The following AGAP1 variants were observed in gnomAD, a reference collection of about 807,000 sequenced individuals.
The protein encoded by AGAP1 is ArfGAP with GTPase domain, ankyrin repeat and PH domain 1.
In AGAP1, 29 loss-of-function variants were observed where a neutral mutation model predicts 105.3. That is an observed-to-expected ratio of 0.28 (90% CI 0.21 to 0.38). AGAP1 has a LOEUF of 0.38. Among genes scored for constraint, AGAP1 ranks in the 10% least tolerant of loss-of-function variants. The probability of loss-of-function intolerance (pLI) is 1.00; values close to 1 mark genes in which losing one functional copy is unlikely to be tolerated. For missense variants in AGAP1, 998 were observed against 1,165.1 expected (o/e 0.86, Z 2.09); for synonymous variants, 509 against 485.9 (o/e 1.05, Z -0.63).
intron 11 of AGAP1, among the ~76,000 whole-genome samples, chr2:235,914,736 G>A (rs2051789409): frequency 6.6e-6 from 1 of 152,186 alleles, no homozygotes; most frequent in Non-Finnish European, 1.5e-5. Flanking sequence ...CAGAGGAGCT[G>A]CAATGGTGAT....
chr2:235,796,493 C>G (rs1546630), intron 6 of AGAP1, among the ~76,000 whole-genome samples: 35,418 of 152,064 alleles, frequency 0.23, 5,180 homozygotes, highest in Admixed American at 0.4. Flanking sequence ...ATCATCCTTT[C>G]AGGATGATAA....
chr2:236,048,446 G>A (rs908725989), intron 15 of AGAP1, among the ~76,000 whole-genome samples: 1 of 152,192 alleles, frequency 6.6e-6, no homozygotes, highest in African/African-American at 2.4e-5. Flanking sequence ...AAAGGGCCCT[G>A]CCCACCAACT....
chr2:236,011,178 T>C (rs148593098), intron 13 of AGAP1, among the ~76,000 whole-genome samples: 29 of 152,368 alleles, frequency 1.9e-4, no homozygotes, highest in African/African-American at 6.0e-4. Context: ...TGTAGCACCC[T>C]TGTGTTTCAC....
At chr2:235,745,425 C>T (rs972791515) in intron 5 of AGAP1, among the ~76,000 whole-genome samples, 3 of 152,072 alleles carry the variant, frequency 2.0e-5, no homozygotes, top group Non-Finnish European at 4.4e-5. Flanking sequence ...GTGGAGTGGC[C>T]GTCACATGGC....
chr2:235,502,770 A>G (rs2149004875), intron 1 of AGAP1, among the ~76,000 whole-genome samples: 1 of 149,670 alleles, frequency 6.7e-6, no homozygotes, highest in East Asian at 2.0e-4. Flanking sequence ...ATTTCAAATA[A>G]TGTCCATGTT....
At chr2:235,821,694 G>A (rs1012920079) in intron 9 of AGAP1, among the ~76,000 whole-genome samples, 1 of 152,108 alleles carries the variant, frequency 6.6e-6, no homozygotes, top group Non-Finnish European at 1.5e-5. Flanking sequence ...TATTGGTAAG[G>A]TACTAGTAAC....
rs2051923925 is a variant in AGAP1, at chr2:235,917,093, G to A, written c.1324+8187G>A. 2.0e-5 allele frequency among the ~76,000 whole-genome samples: 3 copies of A among 152,104 alleles called. No homozygotes were observed. The South Asian group carries it at 6.2e-4, about 32-fold the overall frequency. ...TCTTTGTTGGGTTTTTGCAACTATG[G>A]ATATGTTTTTATCCTAACCAGATTG... On this transcript the variant is annotated intron_variant, in intron 11 of 17. Transcript: ENST00000304032.
At position 236,065,405 on chromosome 2, in the gene AGAP1, C is replaced by T. The variant is rs552393888; in HGVS notation, c.2114+16124C>T. ...TTCTGAAATACACTCGCCCCGTGGG[C>T]GGTTTTCATCTGGCTGTGAAGCAGC... On this transcript the variant is annotated intron_variant, in intron 16 of 17. Transcript: ENST00000304032. 1.0e-3 allele frequency among the ~76,000 whole-genome samples: 158 copies of T among 152,310 alleles called. 1 individual carries two copies. Among genetic ancestry groups the T allele is most frequent in the Admixed American group, 5.2e-3 (79 of 15,300 alleles).
intron 1 of AGAP1, among the ~76,000 whole-genome samples, chr2:235,498,326 A>G (rs1001621660): frequency 6.6e-6 from 1 of 151,210 alleles, no homozygotes; most frequent in East Asian, 2.0e-4. Flanking sequence ...TCACCCCCAA[A>G]TCACTAGAGT....
At chr2:235,572,003 C>CACACACACA (rs1336199763) in intron 1 of AGAP1, among the ~76,000 whole-genome samples, 134 of 93,452 alleles carry the variant, frequency 1.4e-3, no homozygotes, top group African/African-American at 6.0e-3. Flanking sequence ...CACACACACA[C>CACACACACA]TTTTTTTTTT....
In AGAP1 at chr2:235,792,681, A is replaced by G. The variant is rs1957050379; in HGVS notation, c.674-5078A>G. On this transcript the variant is annotated intron_variant, in intron 6 of 17. Transcript: ENST00000304032. This position sits in a 1 kb window ranked among gnomAD's most constrained non-coding sequence, Gnocchi z 5.3. ...GTTAGGTCTGTTCTGTCCATGGTGA[A>G]GAGCGGGTTGTGCCATCGACTGAGC... Among the ~76,000 whole-genome samples, 4 of 152,202 alleles carry G rather than the reference A, an allele frequency of 2.6e-5. No homozygotes were observed. Among genetic ancestry groups the G allele is most frequent in the Admixed American group, 2.6e-4 (4 of 15,284 alleles).
At chr2:235,647,143 G>A (rs905534890) in intron 1 of AGAP1, among the ~76,000 whole-genome samples, 18 of 148,888 alleles carry the variant, frequency 1.2e-4, no homozygotes, top group Non-Finnish European at 2.1e-4. Flanking sequence ...AAAAAGAAAA[G>A]TCAAGAGTCT....
chr2:235,758,410 C>T (rs1390275475), intron 6 of AGAP1, among the ~76,000 whole-genome samples: 1 of 152,130 alleles, frequency 6.6e-6, no homozygotes, highest in Non-Finnish European at 1.5e-5. Flanking sequence ...ATGCTGCCTT[C>T]CCAGAGGTAC....
chr2:235,754,457 T>C lies in AGAP1; in HGVS notation c.673+3969T>C, dbSNP rs979210227. ...AAAAAAAAAAATCCAGCTGCTTCCA[T>C]TGCCCTGCGGAGGCCATGTTCCTGA... On this transcript the variant is annotated intron_variant, in intron 6 of 17. Transcript: ENST00000304032. The surrounding 1 kb of genome is among the most constrained non-coding windows in gnomAD (Gnocchi z 4.6). Among the ~76,000 whole-genome samples, 1 of 152,166 alleles carries C rather than the reference T, an allele frequency of 6.6e-6. No homozygotes were observed. The highest frequency in any genetic ancestry group is 1.5e-5 in the Non-Finnish European group (1 of 68,030).
rs2049687927 is a variant in AGAP1, at chr2:235,875,626, C to G, written c.1051-7719C>G. 6.6e-6 allele frequency among the ~76,000 whole-genome samples: 1 copy of G among 152,184 alleles called. No individual in the cohort carries two copies. The highest frequency in any genetic ancestry group is 6.5e-5 in the Admixed American group (1 of 15,278). ...CCGGGCCTGTGGTGGAGTAGAGCTT[C>G]TCTCCCCAGCTTTCCCGGGAGTGTG... On this transcript the variant is annotated intron_variant, in intron 9 of 17. Coordinates refer to ENST00000304032, the MANE Select transcript of AGAP1 (RefSeq NM_001037131.3). This position sits in a 1 kb window ranked among gnomAD's most constrained non-coding sequence, Gnocchi z 4.0.
chr2:236,040,498 C>T lies in AGAP1; in HGVS notation c.1801-253C>T, dbSNP rs1020187805. 84 of 526,834 alleles carry T rather than the reference C, an allele frequency of 1.6e-4. No homozygotes were observed. Among genetic ancestry groups the T allele is most frequent in the Non-Finnish European group, 2.4e-4 (69 of 293,118 alleles). 32.6% of individuals were successfully genotyped at this position (526,834 alleles called of 1,614,324 possible). ...AGATGATCCAGAACTCTCCTCTTTG[C>T]TCATTTCTGGCAGAGTCCGTCTCAG... On this transcript the variant is annotated intron_variant, in intron 14 of 17. Coordinates refer to ENST00000304032, the MANE Select transcript of AGAP1 (RefSeq NM_001037131.3). The surrounding 1 kb of genome is among the most constrained non-coding windows in gnomAD (Gnocchi z 5.6).
At chr2:235,876,430 A>G (rs1413306001) in intron 9 of AGAP1, among the ~76,000 whole-genome samples, 1 of 152,148 alleles carries the variant, frequency 6.6e-6, no homozygotes, top group Non-Finnish European at 1.5e-5. Context: ...AAGTGTCACC[A>G]TATTCACCCC....
chr2:236,079,839 C>T (rs140606128), intron 16 of AGAP1, among the ~76,000 whole-genome samples: 3 of 152,324 alleles, frequency 2.0e-5, no homozygotes, highest in African/African-American at 7.2e-5. Context: ...AAGACTAACA[C>T]TCAAGGCACT....
At position 236,082,218 on chromosome 2, in the gene AGAP1, C is replaced by G. The variant is rs919921891; in HGVS notation, c.2114+32937C>G. On this transcript the variant is annotated intron_variant, in intron 16 of 17. Transcript: ENST00000304032. The surrounding 1 kb of genome is among the most constrained non-coding windows in gnomAD (Gnocchi z 4.2). ...GGATATTTACAGCTTCAATCAGTGC[C>G]AAATTCAATTGGCTTCTGATCTCAT... Among the ~76,000 whole-genome samples the G allele has an allele frequency of 6.6e-6, 1 of 152,208 alleles. No individual in the cohort carries two copies. The highest frequency in any genetic ancestry group is 2.4e-5 in the African/African-American group (1 of 41,456).
Sources: allele counts gnomAD v4.1 joint callset (sites outside exome capture counted in the v4.1 genomes callset), GRCh38; gene constraint gnomAD v4.1.1; non-coding constraint Gnocchi (gnomAD v3.1); transcripts MANE v1.5; gene names NCBI Gene and HGNC (gene_info 2026-07-23, HGNC 2026-07-21).